The following BICC1 variants were observed in gnomAD, a reference collection of about 807,000 sequenced individuals.
The protein encoded by BICC1 is BicC family RNA binding protein 1.
In BICC1, 43 loss-of-function variants were observed where a neutral mutation model predicts 111.0. That is an observed-to-expected ratio of 0.39 (90% confidence interval 0.30 to 0.50). The LOEUF (loss-of-function observed/expected upper bound fraction) is 0.50, where lower values mean the gene tolerates loss of function less well. BICC1 is among the 20% of genes least tolerant of loss of function. The pLI is 0.88. For missense variants in BICC1, 1,091 were observed against 1,203.2 expected, an observed-to-expected ratio of 0.91 and a Z score of 1.38; for synonymous variants, 467 against 434.4, an observed-to-expected ratio of 1.07 and a Z score of -0.93.
chr10:58,683,753 A>G (rs906660599), intron 2 of BICC1, among the ~76,000 whole-genome samples: 8 of 152,240 alleles, frequency 5.3e-5, no homozygotes, highest in African/African-American at 1.9e-4. Context: ...GAAGTTGCTT[A>G]TCAGCTTAAG....
rs781532964 is a variant in BICC1 at position 58,702,102 on chromosome 10, C to T, written c.266C>T (p.Ala89Val). The change falls in exon 3 of 21, where the codon GCT (alanine) becomes GTT (valine). Residue 89 changes from alanine (A) to valine (V), a missense_variant. Coordinates refer to ENST00000373886, the MANE Select transcript of BICC1 (RefSeq NM_001080512.3). The stretch of plus-strand genomic sequence containing the variant: ...ATGGAGGAAACAAATACGCAGATTG[C>T]TTGGCCATCAAAACTGAAGATCGGA... The part of the protein sequence containing the change: ...KIMEETNTQI[A>V]WPSKLKIGAK... The T allele has an allele frequency of 1.2e-6, 2 of 1,613,232 alleles. No homozygotes were observed. Among genetic ancestry groups the T allele is most frequent in the South Asian group, 2.2e-5 (2 of 90,994 alleles).
intron 1 of BICC1, among the ~76,000 whole-genome samples, chr10:58,575,608 A>C (rs1435849116): frequency 2.0e-5 from 3 of 151,464 alleles, no homozygotes; most frequent in Non-Finnish European, 4.4e-5. Flanking sequence ...TTTTGTTAAG[A>C]AATAGGGTCT....
intron 1 of BICC1, among the ~76,000 whole-genome samples, chr10:58,548,228 A>G (rs1041491523): frequency 6.6e-6 from 1 of 152,214 alleles, no homozygotes; most frequent in Non-Finnish European, 1.5e-5. Flanking sequence ...TCTGGCTCCC[A>G]AGAGCCACGA....
At chr10:58,639,836 C>A (rs556114156) in intron 2 of BICC1, among the ~76,000 whole-genome samples, 1 of 151,070 alleles carries the variant, frequency 6.6e-6, no homozygotes, top group Non-Finnish European at 1.5e-5. Context: ...CCTCAGCCTC[C>A]CGAGTAGCTG....
chr10:58,594,505 C>A (rs1844746318), intron 1 of BICC1, among the ~76,000 whole-genome samples: 1 of 152,128 alleles, frequency 6.6e-6, no homozygotes, highest in Non-Finnish European at 1.5e-5. Flanking sequence ...AAGGGAAGCC[C>A]ATCAGACTAA....
chr10:58,678,915 A>G (rs928585009), intron 2 of BICC1, among the ~76,000 whole-genome samples: 3 of 152,250 alleles, frequency 2.0e-5, no homozygotes, highest in African/African-American at 7.2e-5. Context: ...TGGAAACTGA[A>G]CAACCTGTTC....
chr10:58,657,232 G>A (rs1838685673), intron 2 of BICC1, among the ~76,000 whole-genome samples: 1 of 152,104 alleles, frequency 6.6e-6, no homozygotes, highest in Non-Finnish European at 1.5e-5. Context: ...TCATCACAGG[G>A]AGCTGGAAAT....
chr10:58,732,263 GGAGAGA>G (rs142434746), intron 3 of BICC1, among the ~76,000 whole-genome samples: 1 of 144,494 alleles, frequency 6.9e-6, no homozygotes, highest in African/African-American at 2.6e-5. Flanking sequence ...GTGGGGATGG[GGAGAGA>G]GAGAGAGAGA....
At position 58,831,218 on chromosome 10, in the gene BICC1, A is replaced by C. The variant is rs1007436604; in HGVS notation, c.*2327A>C. ...ATGCACAAAATATTTTGATGATTTGAATAAATGTTAACTTTTAATCTGCGC... is the reference window on the plus strand; with the variant it reads ...ATGCACAAAATATTTTGATGATTTGCATAAATGTTAACTTTTAATCTGCGC... On this transcript the variant is annotated 3_prime_UTR_variant, in exon 21 of 21. Transcript: ENST00000373886. 1.3e-5 allele frequency: 2 copies of C among 152,228 alleles called. No individual in the cohort carries two copies. Among genetic ancestry groups the C allele is most frequent in the African/African-American group, 4.8e-5 (2 of 41,460 alleles). The allele number at this position is 152,228 out of a possible 1,614,324, so 9.4% of individuals were successfully genotyped here.
chr10:58,786,778 C>T, intron 4 of BICC1, 145 bp from the exon 5 acceptor site: 1 of 446,938 alleles, frequency 2.2e-6, no homozygotes, highest in Non-Finnish European at 3.8e-6. Flanking sequence ...CAGGAGAACA[C>T]TTATAGATTA....
In BICC1 at chr10:58,817,686, C is replaced by G; in HGVS notation, c.2658C>G (p.Gly886=). The G allele has an allele frequency of 6.2e-7, 1 of 1,612,916 alleles. No homozygotes were observed. Among genetic ancestry groups the G allele is most frequent in the Non-Finnish European group, 8.5e-7 (1 of 1,179,386 alleles). ...SDLPELFSKL[G]LGKYTDVFQQ... ...TCCCTGAGCTCTTCAGCAAACTGGGCCTGGGCAAATACACAGATGTTTTCC... is the reference window on the plus strand; with the variant it reads ...TCCCTGAGCTCTTCAGCAAACTGGGGCTGGGCAAATACACAGATGTTTTCC... Residue 886 remains glycine, a synonymous_variant, in exon 19 of 21, where the codon GGC becomes GGG. Transcript: ENST00000373886.
chr10:58,690,190 G>A (rs1406972335), intron 2 of BICC1, among the ~76,000 whole-genome samples: 2 of 152,126 alleles, frequency 1.3e-5, no homozygotes, highest in Admixed American at 6.5e-5. Flanking sequence ...AACTTTTCTG[G>A]CAGAGGCAGT....
At chr10:58,645,590 C>T (rs1376017849) in intron 2 of BICC1, among the ~76,000 whole-genome samples, 2 of 152,072 alleles carry the variant, frequency 1.3e-5, no homozygotes, top group African/African-American at 4.8e-5. Context: ...CTGGTTTCTC[C>T]ATTTATATTT....
At position 58,813,771 on chromosome 10, in the gene BICC1, C is replaced by A. The variant is rs1339780992; in HGVS notation, c.2377-59C>A. The A allele has an allele frequency of 3.9e-6, 6 of 1,546,854 alleles. No homozygotes were observed. The African/African-American group carries it at 6.8e-5, about 18-fold the overall frequency. ...GGTGTAATGTGGATTCTTTTCTCCT[C>A]CCACCCTGAAAAACCCACCTGATTA... On this transcript the variant is annotated intron_variant, in intron 17 of 20. Coordinates refer to ENST00000373886, the MANE Select transcript of BICC1 (RefSeq NM_001080512.3).
intron 1 of BICC1, among the ~76,000 whole-genome samples, chr10:58,565,034 A>AT (rs1443193812): frequency 6.6e-6 from 1 of 152,158 alleles, no homozygotes; most frequent in Non-Finnish European, 1.5e-5. Flanking sequence ...AGAAACTTTT[A>AT]TTGTAAGCCA....
At chr10:58,723,798 A>G (rs1219190932) in intron 3 of BICC1, among the ~76,000 whole-genome samples, 1 of 152,176 alleles carries the variant, frequency 6.6e-6, no homozygotes. Context: ...TAAAAATCTT[A>G]AGAGGTTGAG....
At chr10:58,623,117 T>C (rs1397079295) in intron 2 of BICC1, among the ~76,000 whole-genome samples, 15 of 152,186 alleles carry the variant, frequency 9.9e-5, no homozygotes, top group Admixed American at 9.8e-4. Context: ...GTGAGACTTT[T>C]CATATGTAAC....
intron 3 of BICC1, among the ~76,000 whole-genome samples, chr10:58,737,915 G>A (rs1460278581): frequency 2.0e-5 from 3 of 152,092 alleles, no homozygotes; most frequent in Admixed American, 6.6e-5. Flanking sequence ...CATATCCTTC[G>A]CCCACTTGTT....
intron 9 of BICC1, among the ~76,000 whole-genome samples, 186 bp downstream of exon 9, chr10:58,793,801 C>G (rs1274531834): frequency 1.3e-5 from 2 of 152,116 alleles, no homozygotes; most frequent in Non-Finnish European, 2.9e-5. Context: ...AAAGGAAATG[C>G]TCATTGGAGC....
Sources: allele counts gnomAD v4.1 joint callset (sites outside exome capture counted in the v4.1 genomes callset), GRCh38; gene constraint gnomAD v4.1.1; transcripts MANE v1.5; gene names NCBI Gene and HGNC (gene_info 2026-07-23, HGNC 2026-07-21).